Variants in ARMH3 observed in about 807,000 individuals in gnomAD.
ARMH3 encodes armadillo like helical domain containing 3.
ARMH3 carries 60 observed loss-of-function variants against 99.1 expected under a neutral mutation model. The observed-to-expected ratio is 0.61, with a 90% CI of 0.49 to 0.75. The LOEUF is 0.75. Ranked by LOEUF, ARMH3 falls within the 30% of genes least tolerant of loss-of-function variation. ARMH3 has a pLI of 0.00. For missense variants in ARMH3, 679 were observed against 843.1 expected, an observed-to-expected ratio of 0.81 and a Z score of 2.41; for synonymous variants, 285 against 292.8, an observed-to-expected ratio of 0.97 and a Z score of 0.27.
At chr10:101,983,048 A>G (rs1846301491) in intron 19 of ARMH3, among the ~76,000 whole-genome samples, 1 of 151,854 alleles carries the variant, frequency 6.6e-6, no homozygotes, top group Non-Finnish European at 1.5e-5. Context: ...TTGGTCTTCA[A>G]CCCTGTTTCC....
intron 20 of ARMH3, among the ~76,000 whole-genome samples, chr10:101,965,203 C>G (rs1407732447): frequency 6.6e-6 from 1 of 152,018 alleles, no homozygotes; most frequent in Non-Finnish European, 1.5e-5. Flanking sequence ...AAAAGAAAAA[C>G]AAAAGGTCAA....
chr10:101,877,678 A>T (rs1204403916), intron 24 of ARMH3, among the ~76,000 whole-genome samples: 3 of 151,888 alleles, frequency 2.0e-5, no homozygotes, highest in Non-Finnish European at 2.9e-5. Context: ...AAATTTTTTT[A>T]AAGCTGACAA....
rs1202513857 is a variant in ARMH3, at chr10:101,995,284, T to G, written c.1209+13A>C. 1.2e-6 allele frequency: 2 copies of G among 1,611,256 alleles called. No individual in the cohort carries two copies. Among genetic ancestry groups the G allele is most frequent in the South Asian group, 1.1e-5 (1 of 90,912 alleles). On this transcript the variant is annotated intron_variant, in intron 16 of 25. Transcript: ENST00000370033. ...AAAAGACTGCCTAATAGCAGAAGGC[T>G]CGTGAGACCTACCTCTGCAATACAT...
chr10:101,975,297 G>A lies in ARMH3; in HGVS notation c.1410C>T (p.Arg470=), dbSNP rs987747769. 5 of 1,612,054 alleles carry A rather than the reference G, an allele frequency of 3.1e-6. No homozygotes were observed. In the African/African-American group the frequency reaches 6.7e-5, roughly 22 times the overall value. Reference sequence around the variant, plus strand: ...GCAGTTTGTGTACTACCTGGATGCAGCGTCTGTAACAGGGAAAGCAAAAAA... The same window carrying A: ...GCAGTTTGTGTACTACCTGGATGCAACGTCTGTAACAGGGAAAGCAAAAAA... ...MKEFPMDLYI[R]CIQVVHKLLC... Residue 470 remains arginine (R), a synonymous_variant, in exon 20 of 26, where the codon CGC becomes CGT. Transcript: ENST00000370033.
At chr10:102,037,308 T>C (rs1008021172) in intron 2 of ARMH3, among the ~76,000 whole-genome samples, 49 of 150,136 alleles carry the variant, frequency 3.3e-4, no homozygotes, top group African/African-American at 1.2e-3. Context: ...TGGACTCACA[T>C]AAATAGCTGG....
intron 23 of ARMH3, among the ~76,000 whole-genome samples, chr10:101,936,699 T>A (rs538849977): frequency 8.5e-5 from 13 of 152,142 alleles, no homozygotes; most frequent in South Asian, 2.1e-4. Flanking sequence ...AACAGGTATC[T>A]GTATACCCAT....
intron 4 of ARMH3, chr10:102,032,805 C>A (rs1403425260): frequency 2.0e-6 from 1 of 489,328 alleles, no homozygotes; most frequent in African/African-American, 2.0e-5. Flanking sequence ...TCTACTTTAG[C>A]ATTAGATCAA....
At chr10:101,876,988 A>G (rs1456805206) in intron 24 of ARMH3, among the ~76,000 whole-genome samples, 2 of 152,056 alleles carry the variant, frequency 1.3e-5, no homozygotes, top group African/African-American at 2.4e-5. Context: ...TGGGAGGATC[A>G]CCTGAGCCCA....
chr10:101,852,066 A>AGCCCCTAG (rs1347166773), intron 24 of ARMH3, among the ~76,000 whole-genome samples: 1 of 152,212 alleles, frequency 6.6e-6, no homozygotes, highest in East Asian at 1.9e-4. Context: ...GGAACCAGGC[A>AGCCCCTAG]GAATAGAGTA....
chr10:101,965,070 A>T (rs764088099), intron 20 of ARMH3, among the ~76,000 whole-genome samples: 34 of 151,934 alleles, frequency 2.2e-4, no homozygotes, highest in Non-Finnish European at 4.3e-4. Flanking sequence ...TTGGGAAGAT[A>T]AAAAAAAGTA....
At chr10:101,951,310 C>T (rs1590072885) in intron 22 of ARMH3, among the ~76,000 whole-genome samples, 1 of 152,184 alleles carries the variant, frequency 6.6e-6, no homozygotes, top group East Asian at 1.9e-4. Context: ...TGGCTCATGC[C>T]TGTAATCCCA....
At chr10:101,849,168 G>T (rs996033153) in intron 25 of ARMH3, among the ~76,000 whole-genome samples, 1 of 152,180 alleles carries the variant, frequency 6.6e-6, no homozygotes, top group Non-Finnish European at 1.5e-5. Flanking sequence ...AAACCAAGCT[G>T]GTAGGGTTAC....
intron 8 of ARMH3, among the ~76,000 whole-genome samples, chr10:102,022,615 C>G (rs996807759): frequency 1.3e-5 from 2 of 148,572 alleles, no homozygotes; most frequent in South Asian, 2.1e-4. Context: ...GAGTCTCACT[C>G]TGTCGCCCAG....
intron 22 of ARMH3, among the ~76,000 whole-genome samples, chr10:101,940,216 GT>G (rs1277555658): frequency 6.6e-6 from 1 of 152,078 alleles, no homozygotes; most frequent in Admixed American, 6.6e-5. Context: ...TGCTAACCGG[GT>G]TCCATAACTT....
chr10:101,980,530 G>A (rs905490037), intron 19 of ARMH3, among the ~76,000 whole-genome samples: 4 of 151,988 alleles, frequency 2.6e-5, no homozygotes, highest in Non-Finnish European at 1.5e-5. Context: ...AACTCCCAAC[G>A]TCAGGCGGTC....
In ARMH3 at chr10:101,943,977, T is replaced by C. The variant is rs375587431; in HGVS notation, c.1706-4039A>G. ...TACTCGGGAGGCTGAGGCAGGAGAA[T>C]GGCGTGAACCTGGGAGGCGGAGCTT... On this transcript the variant is annotated intron_variant, in intron 22 of 25. Coordinates refer to ENST00000370033, the MANE Select transcript of ARMH3 (RefSeq NM_024541.3). Among the ~76,000 whole-genome samples, 794 of 147,162 alleles carry C rather than the reference T, an allele frequency of 5.4e-3. 12 individuals carry two copies. The highest frequency in any genetic ancestry group is 0.013 in the South Asian group (60 of 4,650).
chr10:102,027,494 G>A (rs1445422275), intron 5 of ARMH3, among the ~76,000 whole-genome samples: 1 of 152,032 alleles, frequency 6.6e-6, no homozygotes, highest in Non-Finnish European at 1.5e-5. Context: ...CATTCTGAAA[G>A]AGAATGAATG....
At chr10:101,850,827 C>T (rs2066583337) in intron 24 of ARMH3, among the ~76,000 whole-genome samples, 1 of 152,180 alleles carries the variant, frequency 6.6e-6, no homozygotes, top group Non-Finnish European at 1.5e-5. Context: ...GAAGAGGTTA[C>T]AGAACAGTGA....
intron 22 of ARMH3, among the ~76,000 whole-genome samples, chr10:101,942,448 G>GA (rs1844283990): frequency 6.6e-6 from 1 of 152,160 alleles, no homozygotes; most frequent in South Asian, 2.1e-4. Flanking sequence ...TTAAAAACAA[G>GA]AAAAGACAGC....
Sources: gnomAD v4.1 joint callset for allele counts (sites outside exome capture counted in the v4.1 genomes callset) on GRCh38, gnomAD v4.1.1 for gene constraint, MANE v1.5 for transcripts, NCBI Gene and HGNC (gene_info 2026-07-23, HGNC 2026-07-21) for gene names.